Variants in CSGALNACT1 observed in about 807,000 individuals in gnomAD.
The protein encoded by CSGALNACT1 is beta4GalNAcT-1.
A neutral mutation model predicts 51.0 loss-of-function variants in CSGALNACT1; 52 were observed. The observed-to-expected ratio is 1.02, with a 90% CI of 0.82 to 1.29. The LOEUF (loss-of-function observed/expected upper bound fraction) is 1.29, where lower values mean the gene tolerates loss of function less well. Ranked by LOEUF, CSGALNACT1 falls within the 50% of genes most tolerant of loss-of-function variation. The pLI is 0.00. For missense variants in CSGALNACT1, 935 were observed against 679.2 expected (o/e 1.38, Z -4.19); for synonymous variants, 341 against 254.4 (o/e 1.34, Z -3.24).
intron 1 of CSGALNACT1, among the ~76,000 whole-genome samples, chr8:19,636,447 A>C (rs897404536): frequency 4.2e-4 from 64 of 152,314 alleles, no homozygotes; most frequent in African/African-American, 1.5e-3. Flanking sequence ...CGATACCAAA[A>C]TCCAAGAGAA....
chr8:19,653,276 T>G (rs2154185385), intron 1 of CSGALNACT1, among the ~76,000 whole-genome samples: 1 of 152,278 alleles, frequency 6.6e-6, no homozygotes, highest in Non-Finnish European at 1.5e-5. Flanking sequence ...TAAGGGAGGC[T>G]GAGCACACAG....
intron 3 of CSGALNACT1, among the ~76,000 whole-genome samples, chr8:19,570,240 A>G (rs1399788927): frequency 2.6e-5 from 4 of 152,210 alleles, no homozygotes; most frequent in Non-Finnish European, 5.9e-5. Context: ...GTAAGAAACA[A>G]AAAGTGTTGG....
chr8:19,672,475 A>C (rs2059869740), intron 1 of CSGALNACT1, among the ~76,000 whole-genome samples: 1 of 152,232 alleles, frequency 6.6e-6, no homozygotes, highest in African/African-American at 2.4e-5. Context: ...GCATCGCTTT[A>C]ACAAGACTGC....
intron 3 of CSGALNACT1, among the ~76,000 whole-genome samples, chr8:19,567,313 A>G (rs1234286427): frequency 6.6e-6 from 1 of 152,230 alleles, no homozygotes; most frequent in Non-Finnish European, 1.5e-5. Flanking sequence ...AGCCAGGAAA[A>G]AGAGTAGAAG....
At chr8:19,685,215 A>G (rs558926931), upstream of CSGALNACT1, among the ~76,000 whole-genome samples, 3 of 152,342 alleles carry the variant, frequency 2.0e-5, no homozygotes, top group East Asian at 5.8e-4. Flanking sequence ...AGTTGGCAAG[A>G]TAATGGGAGT....
At chr8:19,451,880 A>G (rs185940321) in intron 5 of CSGALNACT1, among the ~76,000 whole-genome samples, 2 of 152,354 alleles carry the variant, frequency 1.3e-5, no homozygotes, top group Admixed American at 1.3e-4. Flanking sequence ...CTTTTACAGA[A>G]GATACTAAAG....
chr8:19,742,008 G>T (rs543042237), intron 1 of CSGALNACT1, among the ~76,000 whole-genome samples: 51 of 152,190 alleles, frequency 3.4e-4, no homozygotes, highest in African/African-American at 1.1e-3. Flanking sequence ...AGCCCCTTTG[G>T]GCCTCAGTTT....
intron 4 of CSGALNACT1, among the ~76,000 whole-genome samples, chr8:19,465,518 A>G (rs776969969): frequency 8.5e-5 from 13 of 152,232 alleles, no homozygotes; most frequent in Non-Finnish European, 1.3e-4. Context: ...ATTGACCACC[A>G]TAACTGCTGT....
At chr8:19,460,233 G>C (rs755700126) in intron 4 of CSGALNACT1, among the ~76,000 whole-genome samples, 1 of 152,122 alleles carries the variant, frequency 6.6e-6, no homozygotes, top group Non-Finnish European at 1.5e-5. Context: ...AATACCTTTT[G>C]AGAGTGAGAG....
At chr8:19,674,217 TG>T (rs1564401032) in intron 1 of CSGALNACT1, among the ~76,000 whole-genome samples, 1 of 151,970 alleles carries the variant, frequency 6.6e-6, no homozygotes, top group African/African-American at 2.4e-5. Flanking sequence ...TGTTCGAACC[TG>T]GGAGGTGGAG....
intron 1 of CSGALNACT1, among the ~76,000 whole-genome samples, chr8:19,609,887 A>C (rs2051959676): frequency 6.6e-6 from 1 of 152,136 alleles, no homozygotes; most frequent in Non-Finnish European, 1.5e-5. Context: ...AATGATACGG[A>C]AAGGACGTGC....
chr8:19,452,930 A>C (rs1279398993), intron 5 of CSGALNACT1, among the ~76,000 whole-genome samples: 3 of 152,250 alleles, frequency 2.0e-5, no homozygotes, highest in Non-Finnish European at 4.4e-5. Flanking sequence ...AAATAAACTA[A>C]ACAGAGAAAT....
intron 1 of CSGALNACT1, among the ~76,000 whole-genome samples, chr8:19,609,024 C>A (rs968024940): frequency 3.9e-5 from 6 of 151,978 alleles, no homozygotes; most frequent in Non-Finnish European, 8.8e-5. Flanking sequence ...TATGCTCCAA[C>A]TGCAAGGGAA....
At chr8:19,593,811 A>G (rs1017568320) in intron 2 of CSGALNACT1, among the ~76,000 whole-genome samples, 1 of 152,142 alleles carries the variant, frequency 6.6e-6, no homozygotes. Flanking sequence ...ACTGATTCCT[A>G]CATTCCTTCC....
At chr8:19,519,671 C>T (rs1365156871) in intron 3 of CSGALNACT1, among the ~76,000 whole-genome samples, 1 of 152,212 alleles carries the variant, frequency 6.6e-6, no homozygotes, top group Non-Finnish European at 1.5e-5. Context: ...TCCTCTCCAT[C>T]TCAGGCTCCC....
At chr8:19,655,716 T>C (rs2058213397) in intron 1 of CSGALNACT1, among the ~76,000 whole-genome samples, 1 of 152,140 alleles carries the variant, frequency 6.6e-6, no homozygotes, top group Non-Finnish European at 1.5e-5. Flanking sequence ...CCAACCCAGC[T>C]GCTAGTCTTT....
chr8:19,741,722 C>G (rs1338019951), intron 1 of CSGALNACT1, among the ~76,000 whole-genome samples: 4 of 152,188 alleles, frequency 2.6e-5, no homozygotes, highest in African/African-American at 7.2e-5. Context: ...AAGCAACTTT[C>G]TAATTATGAT....
chr8:19,458,437 C>A, exon 5 of CSGALNACT1: 2 of 1,614,060 alleles, frequency 1.2e-6, no homozygotes. Flanking sequence ...TGAAATTCTG[C>A]ATGAACTGCC....
At chr8:19,580,670 A>T (rs180688413) in intron 3 of CSGALNACT1, among the ~76,000 whole-genome samples, 38 of 152,332 alleles carry the variant, frequency 2.5e-4, no homozygotes, top group Admixed American at 1.0e-3. Flanking sequence ...AGAAAACAAG[A>T]TCAAATGACC....
Sources: allele counts gnomAD v4.1 joint callset (sites outside exome capture counted in the v4.1 genomes callset), GRCh38; gene constraint gnomAD v4.1.1; transcripts MANE v1.5; gene names NCBI Gene and HGNC (gene_info 2026-07-23, HGNC 2026-07-21).